The following FIGN variants were observed in gnomAD, a reference collection of about 807,000 sequenced individuals.
FIGN encodes the protein fidgetin, microtubule severing factor.
In FIGN, 11 loss-of-function variants were observed where a neutral mutation model predicts 51.3. That is an observed-to-expected ratio of 0.21 (90% CI 0.13 to 0.35). FIGN has a LOEUF of 0.35. FIGN is among the 10% of genes least tolerant of loss of function. The pLI is 1.00. For synonymous variants in FIGN, 407 were observed against 363.2 expected, an observed-to-expected ratio of 1.12 and a Z score of -1.37; for missense variants, 857 against 943.6, an observed-to-expected ratio of 0.91 and a Z score of 1.20.
intron 2 of FIGN, among the ~76,000 whole-genome samples, chr2:163,624,142 G>T (rs1174324774): frequency 6.6e-6 from 1 of 151,890 alleles, no homozygotes; most frequent in East Asian, 1.9e-4. Flanking sequence ...GGCATCTAAT[G>T]AACATTCCCT....
chr2:163,717,502 A>G (rs1367394142), intron 2 of FIGN, among the ~76,000 whole-genome samples: 1 of 151,958 alleles, frequency 6.6e-6, no homozygotes, highest in East Asian at 1.9e-4. Context: ...GAGGGGTGGG[A>G]CATTTGAGAG....
At chr2:163,639,827 T>C (rs1215488292) in intron 2 of FIGN, among the ~76,000 whole-genome samples, 1 of 152,218 alleles carries the variant, frequency 6.6e-6, no homozygotes, top group Non-Finnish European at 1.5e-5. Flanking sequence ...ATTCCTTTTG[T>C]ACCTTTTCCA....
chr2:163,682,992 T>C (rs923133519), intron 2 of FIGN, among the ~76,000 whole-genome samples: 5 of 152,138 alleles, frequency 3.3e-5, no homozygotes, highest in Non-Finnish European at 7.4e-5. Context: ...CTTTTAGCAG[T>C]GAAACTCTTT....
chr2:163,718,483 CT>C (rs1270765955), intron 2 of FIGN, among the ~76,000 whole-genome samples: 1 of 152,146 alleles, frequency 6.6e-6, no homozygotes, highest in Non-Finnish European at 1.5e-5. Context: ...TCTGATTCAT[CT>C]GCTTATACAG....
chr2:163,682,061 G>C (rs1684073715), intron 2 of FIGN, among the ~76,000 whole-genome samples: 1 of 152,144 alleles, frequency 6.6e-6, no homozygotes, highest in African/African-American at 2.4e-5. Context: ...CGAATACTCA[G>C]AGACCTCAGG....
intron 2 of FIGN, among the ~76,000 whole-genome samples, chr2:163,717,438 T>C (rs112019852): frequency 5.3e-5 from 8 of 152,274 alleles, no homozygotes; most frequent in Non-Finnish European, 8.8e-5. Flanking sequence ...TGAAAACATA[T>C]AAGCTTTTTC....
intron 2 of FIGN, among the ~76,000 whole-genome samples, chr2:163,695,968 G>A (rs1016617614): frequency 6.6e-5 from 10 of 152,004 alleles, no homozygotes; most frequent in Admixed American, 2.0e-4. Flanking sequence ...AAAATTAGCC[G>A]GGCATGGTGG....
chr2:163,643,932 CAAAAAAAAAAAAAA>C lies in FIGN; in HGVS notation c.26-32140_26-32127del, dbSNP rs1162234909. ...GGGCAACAAGAGCGAAACTCTGTCT[CAAAAAAAAAAAAAA>C]AAAAAAAAAAAAGTCAGAATGGATC... On this transcript the variant is annotated intron_variant, in intron 2 of 2. Coordinates refer to ENST00000333129, the MANE Select transcript of FIGN (RefSeq NM_018086.4). Among the ~76,000 whole-genome samples, 8 of 19,070 alleles carry C rather than the reference CAAAAAAAAAAAAAA, an allele frequency of 4.2e-4. 1 individual carries two copies. The highest frequency in any genetic ancestry group is 5.7e-4 in the Non-Finnish European group (6 of 10,436). 12.5% of individuals were successfully genotyped at this position (19,070 alleles called of 152,430 possible). A position where few individuals can be genotyped will look rare whatever the true frequency, so the allele number is the denominator to read the frequency against.
Position 163,611,811 on chromosome 2 carries a change from G to C in FIGN, c.26-5C>G. ...GCGTCCACTGCATCTTCAAGCCTAA[G>C]AATTTTGGGGGGAAAAGAGTTAATT... On this transcript the variant is annotated splice_polypyrimidine_tract_variant and splice_region_variant and intron_variant, in intron 2 of 2. Transcript: ENST00000333129. 1.9e-6 allele frequency: 3 copies of C among 1,586,362 alleles called. No homozygotes were observed. Among genetic ancestry groups the C allele is most frequent in the Non-Finnish European group, 1.7e-6 (2 of 1,159,848 alleles).
chr2:163,675,352 A>G (rs13393171), intron 2 of FIGN, among the ~76,000 whole-genome samples: 66,943 of 152,142 alleles, frequency 0.44, 17,395 homozygotes, highest in African/African-American at 0.73. Context: ...ATAGGAAAAA[A>G]CTGTGGCCCT....
In FIGN at chr2:163,727,305, G is replaced by A. The variant is rs187292393; in HGVS notation, c.25+7598C>T. ...TTGAAATTATACTACAGAATATGGA[G>A]ATAGAACACAGAACATTAGAAAATG... On this transcript the variant is annotated intron_variant, in intron 2 of 2. Transcript: ENST00000333129. 1.8e-4 allele frequency among the ~76,000 whole-genome samples: 28 copies of A among 151,618 alleles called. No individual in the cohort carries two copies. The East Asian group carries it at 5.0e-3, about 27-fold the overall frequency.
At chr2:163,668,286 G>T (rs1276924430) in intron 2 of FIGN, among the ~76,000 whole-genome samples, 2 of 152,106 alleles carry the variant, frequency 1.3e-5, no homozygotes, top group Admixed American at 1.3e-4. Context: ...GTCAAGCCCT[G>T]GGAGCCCCTA....
intron 2 of FIGN, among the ~76,000 whole-genome samples, chr2:163,728,173 C>T (rs571449566): frequency 1.3e-4 from 20 of 152,034 alleles, no homozygotes; most frequent in Non-Finnish European, 2.4e-4. Flanking sequence ...GGGTCTGCCC[C>T]CCCCTTCCTG....
rs1691095048 is a variant in FIGN, at chr2:163,605,671, G to A, written c.*3881C>T. 1 of 151,618 alleles carries A rather than the reference G, an allele frequency of 6.6e-6. No individual in the cohort carries two copies. Among genetic ancestry groups the A allele is most frequent in the Non-Finnish European group, 1.5e-5 (1 of 67,920 alleles). 9.4% of individuals were successfully genotyped at this position (151,618 alleles called of 1,614,324 possible). A position where few individuals can be genotyped will look rare whatever the true frequency, so the allele number is the denominator to read the frequency against. On this transcript the variant is annotated 3_prime_UTR_variant, in exon 3 of 3. Transcript: ENST00000333129. ...ATATATATTAGAACTTTACTTTAGT[G>A]GCCTCAATAGTTCAACAAGCTGCGT...
intron 2 of FIGN, among the ~76,000 whole-genome samples, chr2:163,698,994 T>C (rs1684366675): frequency 6.6e-6 from 1 of 152,098 alleles, no homozygotes. Context: ...GTTGACAAAG[T>C]AATGGAGAGT....
intron 2 of FIGN, among the ~76,000 whole-genome samples, chr2:163,666,668 C>T (rs1683778258): frequency 6.6e-6 from 1 of 152,020 alleles, no homozygotes; most frequent in South Asian, 2.1e-4. Context: ...TGGTTAATGA[C>T]CCAGTGGAAC....
At chr2:163,655,502 A>G (rs1033918631) in intron 2 of FIGN, among the ~76,000 whole-genome samples, 3 of 152,186 alleles carry the variant, frequency 2.0e-5, no homozygotes, top group African/African-American at 7.2e-5. Context: ...CAGCCCTTCT[A>G]TGTTCCTAGC....
intron 2 of FIGN, chr2:163,612,380 G>A (rs1248324951): frequency 3.1e-5 from 31 of 985,134 alleles, no homozygotes; most frequent in African/African-American, 3.5e-5. Flanking sequence ...TGCTCCCTGC[G>A]CAGAACAATA....
At chr2:163,656,811 T>C (rs1683565210) in intron 2 of FIGN, among the ~76,000 whole-genome samples, 1 of 152,180 alleles carries the variant, frequency 6.6e-6, no homozygotes, top group Non-Finnish European at 1.5e-5. Context: ...GCAATACTCT[T>C]ATCAGAGTAA....
Sources: gnomAD v4.1 joint callset for allele counts (sites outside exome capture counted in the v4.1 genomes callset) on GRCh38, gnomAD v4.1.1 for gene constraint, MANE v1.5 for transcripts, NCBI Gene and HGNC (gene_info 2026-07-23, HGNC 2026-07-21) for gene names.